Variants in DEFB118 observed in about 807,000 individuals in gnomAD.
DEFB118 encodes the protein defensin beta 118, also known as defensin, beta 18.
In DEFB118, 3 loss-of-function variants were observed where a neutral mutation model predicts 2.8. That is an observed-to-expected ratio of 1.09 (90% CI 0.50 to 2.82). The LOEUF (loss-of-function observed/expected upper bound fraction) is 2.82, where lower values mean the gene tolerates loss of function less well. DEFB118 is among the 30% of genes most tolerant of loss of function. The pLI is 0.04. For missense variants in DEFB118, 159 were observed against 144.6 expected, an observed-to-expected ratio of 1.10 and a Z score of -0.51; for synonymous variants, 63 against 53.5, an observed-to-expected ratio of 1.18 and a Z score of -0.78.
chr20:31,369,468 C>A (rs1264668381), intron 1 of DEFB118, among the ~76,000 whole-genome samples: 1 of 144,088 alleles, frequency 6.9e-6, no homozygotes. Flanking sequence ...CAGCTCACTG[C>A]AACCTCTGCC....
chr20:31,369,747 T>G (rs1986181735), intron 1 of DEFB118, among the ~76,000 whole-genome samples: 1 of 152,204 alleles, frequency 6.6e-6, no homozygotes, highest in African/African-American at 2.4e-5. Context: ...TGTCACCATC[T>G]AAAGATCTGC....
chr20:31,369,221 C>T (rs1986170084), intron 1 of DEFB118, among the ~76,000 whole-genome samples: 2 of 152,110 alleles, frequency 1.3e-5, no homozygotes, highest in African/African-American at 4.8e-5. Flanking sequence ...TATCTAAAGG[C>T]ATGACCAGAA....
Position 31,373,271 on chromosome 20 carries a change from C to A in DEFB118, c.*101C>A. 2.9e-6 allele frequency: 3 copies of A among 1,020,696 alleles called. No individual in the cohort carries two copies. The highest frequency in any genetic ancestry group is 4.2e-6 in the Non-Finnish European group (3 of 708,324). The allele number at this position is 1,020,696 out of a possible 1,614,324, so 63.2% of individuals were successfully genotyped here. A position where few individuals can be genotyped will look rare whatever the true frequency, so the allele number is the denominator to read the frequency against. On this transcript the variant is annotated 3_prime_UTR_variant, in exon 2 of 2. Coordinates refer to ENST00000253381, the MANE Select transcript of DEFB118 (RefSeq NM_054112.3). ...CCACAGTGACCCTCCCACCCCCCACCAATATGTAATTCTATTAATAGAAAC... is the reference window on the plus strand; with the variant it reads ...CCACAGTGACCCTCCCACCCCCCACAAATATGTAATTCTATTAATAGAAAC...
chr20:31,372,043 A>G (rs912140071), intron 1 of DEFB118, among the ~76,000 whole-genome samples: 1 of 152,212 alleles, frequency 6.6e-6, no homozygotes, highest in African/African-American at 2.4e-5. Context: ...ATGGATGAGT[A>G]GTAATCCATG....
At chr20:31,370,156 T>A (rs1986190064) in intron 1 of DEFB118, among the ~76,000 whole-genome samples, 1 of 152,102 alleles carries the variant, frequency 6.6e-6, no homozygotes, top group Admixed American at 6.5e-5. Context: ...ATGAAACTCC[T>A]GCTGCTGGCT....
chr20:31,369,681 C>T lies in DEFB118; in HGVS notation c.58+973C>T, dbSNP rs570272429. On this transcript the variant is annotated intron_variant, in intron 1 of 1. Transcript: ENST00000253381. ...CTGGGATTACAGGCATGAGCCACCG[C>T]ACCCGGCCCTATGCAGCACTCTTCT... Among the ~76,000 whole-genome samples the T allele has an allele frequency of 7.9e-5, 12 of 152,274 alleles. No individual in the cohort carries two copies. In the East Asian group the frequency reaches 2.3e-3, roughly 29 times the overall value.
intron 1 of DEFB118, among the ~76,000 whole-genome samples, chr20:31,372,323 G>C (rs1986223174): frequency 1.3e-5 from 2 of 152,160 alleles, no homozygotes; most frequent in African/African-American, 4.8e-5. Flanking sequence ...AGGCCGAAGT[G>C]GGTGGATCAT....
At chr20:31,369,238 A>T (rs886198009) in intron 1 of DEFB118, among the ~76,000 whole-genome samples, 4 of 152,166 alleles carry the variant, frequency 2.6e-5, no homozygotes, top group African/African-American at 4.8e-5. Context: ...AGAACTTTGA[A>T]ATCACTGGTG....
chr20:31,373,115 C>T lies in DEFB118; in HGVS notation c.317C>T (p.Ser106Phe). The change falls in exon 2 of 2, where the codon TCT becomes TTT. Residue 106 changes from serine (S) to phenylalanine (F), a missense_variant. Transcript: ENST00000253381. ...AGCAAGAAAGATATGGTTGAAGAGTCTGAGGCGGGAAGGGGAACTGAGACC... is the reference window on the plus strand; with the variant it reads ...AGCAAGAAAGATATGGTTGAAGAGTTTGAGGCGGGAAGGGGAACTGAGACC... The part of the protein sequence containing the change: ...VSSKKDMVEE[S>F]EAGRGTETSL... 2.5e-6 allele frequency: 4 copies of T among 1,614,142 alleles called. No homozygotes were observed. Among genetic ancestry groups the T allele is most frequent in the Non-Finnish European group, 3.4e-6 (4 of 1,180,026 alleles).
In DEFB118 at chr20:31,373,205, A is replaced by C. The variant is rs767532457; in HGVS notation, c.*35A>C. On this transcript the variant is annotated 3_prime_UTR_variant, in exon 2 of 2. Transcript: ENST00000253381. ...GGCTATCACTCACCCCTGTCCTCAG[A>C]GTGATAAACTAAGTCACATACAGAT... 1 of 1,586,768 alleles carries C rather than the reference A, an allele frequency of 6.3e-7. No homozygotes were observed. The highest frequency in any genetic ancestry group is 8.6e-7 in the Non-Finnish European group (1 of 1,163,442).
In DEFB118 at chr20:31,372,924, A is replaced by G. The variant is rs377704860; in HGVS notation, c.126A>G (p.Glu42=). Residue 42 remains glutamate (E), a synonymous_variant, in exon 2 of 2, where the codon GAA becomes GAG. Coordinates refer to ENST00000253381, the MANE Select transcript of DEFB118 (RefSeq NM_054112.3). ...GCAGGAAACAATGCAAAGATGGAGA[A>G]GCAGTGAAAGATACATGCAAAAATC... ...GHCRKQCKDG[E]AVKDTCKNLR... is the part of the protein sequence containing the mutation. The G allele has an allele frequency of 6.9e-5, 112 of 1,614,104 alleles. No homozygotes were observed. Among genetic ancestry groups the G allele is most frequent in the Non-Finnish European group, 8.4e-5 (99 of 1,180,034 alleles).
chr20:31,368,602 C>A lies in DEFB118; in HGVS notation c.-49C>A. 6.3e-7 allele frequency: 1 copy of A among 1,585,578 alleles called. No homozygotes were observed. The highest frequency in any genetic ancestry group is 1.1e-5 in the South Asian group (1 of 90,506). On this transcript the variant is annotated 5_prime_UTR_variant, in exon 1 of 2. Transcript: ENST00000253381. Reference sequence around the variant, plus strand: ...AACTCTTGTTCAGACTCACACTGCACACAGTATTCTGAACTCCTGGATCTA... The same window carrying A: ...AACTCTTGTTCAGACTCACACTGCAAACAGTATTCTGAACTCCTGGATCTA...
intron 1 of DEFB118, among the ~76,000 whole-genome samples, chr20:31,371,674 T>C (rs996506451): frequency 2.6e-5 from 4 of 152,206 alleles, no homozygotes; most frequent in East Asian, 3.9e-4. Flanking sequence ...TTTTATACTT[T>C]GGTTTATAAT....
Position 31,373,315 on chromosome 20 carries a change from A to C in DEFB118, c.*145A>C. The C allele has an allele frequency of 1.4e-6, 1 of 693,928 alleles. No homozygotes were observed. The highest frequency in any genetic ancestry group is 2.1e-5 in the South Asian group (1 of 47,484). 43.0% of individuals were successfully genotyped at this position (693,928 alleles called of 1,614,324 possible). On this transcript the variant is annotated 3_prime_UTR_variant, in exon 2 of 2. Transcript: ENST00000253381. ...TAGAAACAGCTGTGTAAAGAAGTCTAAAATTTTCACTATTTCCAATGATAA... is the reference window on the plus strand; with the variant it reads ...TAGAAACAGCTGTGTAAAGAAGTCTCAAATTTTCACTATTTCCAATGATAA...
At chr20:31,372,287 C>G (rs1196180329) in intron 1 of DEFB118, among the ~76,000 whole-genome samples, 2 of 152,188 alleles carry the variant, frequency 1.3e-5, no homozygotes, top group African/African-American at 4.8e-5. Context: ...TGCTGTGGCT[C>G]ACACCTGTAA....
chr20:31,373,161 T>C lies in DEFB118; in HGVS notation c.363T>C (p.His121=). ...AGACCTCTCTTCCAAATGTTCACCA[T>C]AGCTCATGACTTCCTCTCGGCTATC... is the stretch of plus-strand genomic sequence containing the variant. ...GTETSLPNVH[H]SS is the part of the protein sequence containing the mutation. The change falls in exon 2 of 2, where the codon CAT becomes CAC. Residue 121 remains histidine, a synonymous_variant. Transcript: ENST00000253381. The C allele has an allele frequency of 6.2e-7, 1 of 1,612,950 alleles. No individual in the cohort carries two copies. Among genetic ancestry groups the C allele is most frequent in the Non-Finnish European group, 8.5e-7 (1 of 1,179,494 alleles).
chr20:31,370,214 G>A (rs1290252014), intron 1 of DEFB118, among the ~76,000 whole-genome samples: 1 of 152,196 alleles, frequency 6.6e-6, no homozygotes, highest in Non-Finnish European at 1.5e-5. Flanking sequence ...GTAACCAGAA[G>A]TCAGTAATCA....
chr20:31,368,829 T>C, intron 1 of DEFB118, 121 bp downstream of exon 1: 1 of 918,764 alleles, frequency 1.1e-6, no homozygotes, highest in Non-Finnish European at 1.7e-6. Context: ...ACTGGGACTA[T>C]GCTCCTGGCT....
intron 1 of DEFB118, among the ~76,000 whole-genome samples, chr20:31,370,266 A>T (rs1402216641): frequency 6.6e-6 from 1 of 152,212 alleles, no homozygotes; most frequent in Non-Finnish European, 1.5e-5. Context: ...AGAAATTGCC[A>T]ACTCTGGGGG....
Sources: gnomAD v4.1 joint callset for allele counts (sites outside exome capture counted in the v4.1 genomes callset) on GRCh38, gnomAD v4.1.1 for gene constraint, MANE v1.5 for transcripts, NCBI Gene and HGNC (gene_info 2026-07-23, HGNC 2026-07-21) for gene names.